TTC34: variants seen among roughly 807,000 people sequenced by gnomAD.
TTC34 encodes tetratricopeptide repeat domain 34.
A neutral mutation model predicts 40.7 loss-of-function variants in TTC34; 44 were observed. The observed-to-expected ratio is 1.08, with a 90% CI of 0.85 to 1.39. The LOEUF is 1.39. TTC34 is among the 40% of genes most tolerant of loss of function. The pLI is 0.00. For missense variants in TTC34, 884 were observed against 838.0 expected, an observed-to-expected ratio of 1.05 and a Z score of -0.68; for synonymous variants, 422 against 398.6, an observed-to-expected ratio of 1.06 and a Z score of -0.70.
chr1:2,782,564 T>C (rs1643502246), intron 6 of TTC34, among the ~76,000 whole-genome samples: 1 of 152,162 alleles, frequency 6.6e-6, no homozygotes, highest in Non-Finnish European at 1.5e-5. Flanking sequence ...GTTTCTTAAG[T>C]TGTAAAGTTA....
intron 5 of TTC34, among the ~76,000 whole-genome samples, chr1:2,784,093 GC>G (rs1643537533): frequency 6.6e-6 from 1 of 152,124 alleles, no homozygotes; most frequent in African/African-American, 2.4e-5. Context: ...ACCGGTAGTG[GC>G]CCCGAACGGC....
At chr1:2,768,002 C>A (rs565072348) in intron 6 of TTC34, among the ~76,000 whole-genome samples, 1 of 150,604 alleles carries the variant, frequency 6.6e-6, no homozygotes, top group Non-Finnish European at 1.5e-5. Context: ...AACAGCACGT[C>A]CCCTCAGGTG....
chr1:2,789,619 C>A, exon 3 of TTC34: 4 of 1,380,108 alleles, frequency 2.9e-6, no homozygotes, highest in Non-Finnish European at 3.7e-6. Flanking sequence ...GCAGCACCAC[C>A]AGCAGCAGCC....
chr1:2,754,803 G>T (rs1190706720), intron 6 of TTC34, among the ~76,000 whole-genome samples: 1,231 of 115,144 alleles, frequency 0.011, 1 homozygote, highest in African/African-American at 0.022. Context: ...CTGACAGCCT[G>T]GAACAGAAAC....
intron 5 of TTC34, 88 bp from the exon 6 acceptor site, chr1:2,783,863 G>T (rs1035337648): frequency 2.4e-6 from 3 of 1,268,582 alleles, no homozygotes; most frequent in Non-Finnish European, 2.1e-6. Context: ...AGGGCAGAGG[G>T]TGCATGAGCT....
chr1:2,687,074 G>C (rs1188552531), intron 6 of TTC34, among the ~76,000 whole-genome samples: 1 of 144,408 alleles, frequency 6.9e-6, no homozygotes, highest in Middle Eastern at 3.6e-3. Context: ...GCCTGGAGCA[G>C]GACCCACACC....
Position 2,700,153 on chromosome 1 carries a change from C to T in TTC34, c.2227-54590G>A, listed in dbSNP as rs1054218438. On this transcript the variant is annotated intron_variant, in intron 6 of 8. Transcript: ENST00000401095. ...CTCACCCCAGGTGAGCATCGGACAT[C>T]CTGGAGCATCACATACTCCCCCAGG... Among the ~76,000 whole-genome samples, 2 of 101,462 alleles carry T rather than the reference C, an allele frequency of 2.0e-5. 1 individual carries two copies. The highest frequency in any genetic ancestry group is 4.6e-5 in the Non-Finnish European group (2 of 43,534). 66.6% of individuals were successfully genotyped at this position (101,462 alleles called of 152,430 possible).
exon 3 of TTC34, chr1:2,790,048 C>T: frequency 2.5e-6 from 1 of 397,576 alleles, no homozygotes; most frequent in African/African-American, 2.1e-5. Flanking sequence ...CCAGGCGAAG[C>T]AGGACGCGGA....
At chr1:2,684,341 C>T (rs200380837) in intron 6 of TTC34, among the ~76,000 whole-genome samples, 1 of 12,802 alleles carries the variant, frequency 7.8e-5, no homozygotes, top group Non-Finnish European at 1.8e-4. Flanking sequence ...TGATGGTTTG[C>T]AGCAGCACCC....
intron 6 of TTC34, among the ~76,000 whole-genome samples, chr1:2,753,360 A>T: frequency 2.0e-5 from 1 of 50,700 alleles, no homozygotes; most frequent in Non-Finnish European, 3.3e-5. Flanking sequence ...CTGACAGCCT[A>T]GAACAGCACC....
rs948711527 is a variant in TTC34 at position 2,691,609 on chromosome 1, A to C, written c.2227-46046T>G. Among the ~76,000 whole-genome samples, 3 of 116,126 alleles carry C rather than the reference A, an allele frequency of 2.6e-5. 1 individual carries two copies. Among genetic ancestry groups the C allele is most frequent in the African/African-American group, 9.2e-5 (3 of 32,786 alleles). The allele number at this position is 116,126 out of a possible 152,430, so 76.2% of individuals were successfully genotyped here. A position where few individuals can be genotyped will look rare whatever the true frequency, so the allele number is the denominator to read the frequency against. On this transcript the variant is annotated intron_variant, in intron 6 of 8. Coordinates refer to ENST00000401095, the Ensembl canonical transcript of TTC34. ...CCCAGGTGAGACCCTGACAGCCTGG[A>C]ACAGCACCCTGCACCCCCAGGTGCG... is the stretch of plus-strand genomic sequence containing the variant.
At chr1:2,681,254 G>A (rs1484883461) in intron 6 of TTC34, among the ~76,000 whole-genome samples, 7 of 115,420 alleles carry the variant, frequency 6.1e-5, no homozygotes, top group East Asian at 4.8e-4. Context: ...GCCTGGAGCA[G>A]CACCCACACA....
chr1:2,648,297 G>C (rs753272200), intron 6 of TTC34, among the ~76,000 whole-genome samples: 10 of 152,036 alleles, frequency 6.6e-5, no homozygotes, highest in Non-Finnish European at 1.2e-4. Flanking sequence ...TTTCACTCTG[G>C]GGGGCAGGTA....
intron 6 of TTC34, among the ~76,000 whole-genome samples, chr1:2,685,735 G>C (rs1570811925): frequency 3.2e-4 from 46 of 143,642 alleles, no homozygotes; most frequent in Non-Finnish European, 4.6e-4. Context: ...GTGCGCATCT[G>C]ATGGTCTGGA....
At chr1:2,687,378 A>T (rs1339808321) in intron 6 of TTC34, among the ~76,000 whole-genome samples, 6 of 151,560 alleles carry the variant, frequency 4.0e-5, no homozygotes, top group Admixed American at 1.3e-4. Context: ...CCAGGCGAGC[A>T]TCTGACAGCC....
chr1:2,677,723 ACC>A (rs1639963346), intron 6 of TTC34, among the ~76,000 whole-genome samples: 1 of 150,398 alleles, frequency 6.6e-6, no homozygotes, highest in Non-Finnish European at 1.5e-5. Context: ...CTGGAACAGC[ACC>A]CTGCACCCCC....
At chr1:2,659,692 G>GACACCCCCAGGAGAGCT (rs1557592769) in intron 6 of TTC34, among the ~76,000 whole-genome samples, 1 of 115,240 alleles carries the variant, frequency 8.7e-6, no homozygotes, top group Non-Finnish European at 2.1e-5. Flanking sequence ...CTGACAGCCC[G>GACACCCCCAGGAGAGCT]GAGCAGCACC....
Position 2,789,794 on chromosome 1 carries a change from G to A in TTC34, c.1337C>T (p.Ala446Val), listed in dbSNP as rs892049914. ...GCGCACACAGCCCCCCGGGTGCGGC[G>A]CCCCCTGCTCCACTACCGTCTGGAA... The change falls in exon 3 of 9, where the codon GCG becomes GTG. Residue 446 changes from alanine (A) to valine (V), a missense_variant. Physicochemically the swap from Ala to Val is moderately conservative, Grantham distance 64 (BLOSUM62 0). Coordinates refer to ENST00000401095, the Ensembl canonical transcript of TTC34. 5 of 500,202 alleles carry A rather than the reference G, an allele frequency of 1.0e-5. No homozygotes were observed. In the Middle Eastern group the frequency reaches 1.6e-3, roughly 156 times the overall value. The allele number at this position is 500,202 out of a possible 1,614,324, so 31.0% of individuals were successfully genotyped here. A position where few individuals can be genotyped will look rare whatever the true frequency, so the allele number is the denominator to read the frequency against.
chr1:2,751,448 C>G (rs1469557063), intron 6 of TTC34, among the ~76,000 whole-genome samples: 2 of 108,642 alleles, frequency 1.8e-5, no homozygotes, highest in Non-Finnish European at 3.6e-5. Flanking sequence ...AGCCCAGACC[C>G]CCAGGTGAGC....
Sources: gnomAD v4.1 joint callset for allele counts (sites outside exome capture counted in the v4.1 genomes callset) on GRCh38, gnomAD v4.1.1 for gene constraint, MANE v1.5 for transcripts, NCBI Gene and HGNC (gene_info 2026-07-23, HGNC 2026-07-21) for gene names.